The following LRRC37A2 variants were observed in gnomAD, a reference collection of about 807,000 sequenced individuals.
LRRC37A2 encodes leucine rich repeat containing 37 member A2, also known as leucine-rich repeat-containing protein 37A2.
In LRRC37A2, 9 loss-of-function variants were observed where a neutral mutation model predicts 68.8. The observed-to-expected ratio is 0.13, with a 90% confidence interval of 0.08 to 0.23. The LOEUF (loss-of-function observed/expected upper bound fraction) is 0.23, where lower values mean the gene tolerates loss of function less well. Among genes scored for constraint, LRRC37A2 ranks in the 10% least tolerant of loss-of-function variants. The probability of loss-of-function intolerance (pLI) is 1.00; values close to 1 mark genes in which losing one functional copy is unlikely to be tolerated. For missense variants in LRRC37A2, 168 were observed against 950.4 expected (o/e 0.18, Z 10.82); for synonymous variants, 63 against 367.6 (o/e 0.17, Z 9.48).
At chr17:46,934,377 C>T in the LRRC37A2 span, among the ~76,000 whole-genome samples, 1 of 152,124 alleles carries the variant, frequency 6.6e-6, no homozygotes, top group African/African-American at 2.4e-5. Flanking sequence ...AAGAAAAAAG[C>T]TGGGCATGGT....
At chr17:46,609,819 C>T in the LRRC37A2 span, among the ~76,000 whole-genome samples, 1 of 137,012 alleles carries the variant, frequency 7.3e-6, no homozygotes, top group East Asian at 2.0e-4. Flanking sequence ...TCGGGTGTCT[C>T]ACTGTTTCTT....
the LRRC37A2 span, among the ~76,000 whole-genome samples, chr17:46,854,459 G>A: frequency 6.6e-6 from 1 of 152,254 alleles, no homozygotes; most frequent in South Asian, 2.1e-4. Context: ...CTTCAGAGTT[G>A]GAAGTGACCC....
At chr17:46,962,434 C>G in the LRRC37A2 span, among the ~76,000 whole-genome samples, 1 of 152,092 alleles carries the variant, frequency 6.6e-6, no homozygotes, top group Non-Finnish European at 1.5e-5. Flanking sequence ...CCTCACACAT[C>G]AAATCTGGAC....
At chr17:47,017,725 A>T in the LRRC37A2 span, 3 of 1,610,958 alleles carry the variant, frequency 1.9e-6, no homozygotes, top group Non-Finnish European at 2.5e-6. Context: ...AGTCAGAAAC[A>T]GAATTTGCAG....
the LRRC37A2 span, among the ~76,000 whole-genome samples, chr17:46,766,440 T>C: frequency 1.3e-5 from 2 of 151,124 alleles, no homozygotes; most frequent in South Asian, 2.1e-4. Flanking sequence ...GGGCTCCCAT[T>C]GTCACCACCA....
the LRRC37A2 span, chr17:46,886,130 T>C: frequency 4.6e-5 from 7 of 152,306 alleles, no homozygotes; most frequent in Admixed American, 4.6e-4. Context: ...CACAGCTGTG[T>C]GTACTTGACC....
chr17:46,876,194 G>A, the LRRC37A2 span: 7 of 1,513,320 alleles, frequency 4.6e-6, no homozygotes, highest in South Asian at 2.6e-5. Context: ...GGCAGGCTCT[G>A]GCTGCTGGGC....
chr17:46,720,115 A>G, the LRRC37A2 span, among the ~76,000 whole-genome samples: 7 of 152,186 alleles, frequency 4.6e-5, no homozygotes, highest in Admixed American at 3.3e-4. Flanking sequence ...TGGAAATTGG[A>G]TCTTTTGACA....
At chr17:46,948,441 C>T in the LRRC37A2 span, 8 of 152,236 alleles carry the variant, frequency 5.3e-5, no homozygotes, top group African/African-American at 1.9e-4. Flanking sequence ...ATTTGCCAGT[C>T]AGACTTTATT....
the LRRC37A2 span, chr17:47,049,074 G>T: frequency 4.4e-6 from 3 of 675,298 alleles, no homozygotes; most frequent in Admixed American, 2.4e-5. Context: ...TTGGGTGTGT[G>T]TGTCTCCTCT....
chr17:46,474,232 T>G, the LRRC37A2 span, among the ~76,000 whole-genome samples: 1 of 102,912 alleles, frequency 9.7e-6, no homozygotes, highest in Non-Finnish European at 2.2e-5. Flanking sequence ...GTATTTTTAG[T>G]AGAGATAGGG....
the LRRC37A2 span, among the ~76,000 whole-genome samples, chr17:46,892,927 C>T: frequency 6.6e-6 from 1 of 151,762 alleles, no homozygotes; most frequent in African/African-American, 2.4e-5. Flanking sequence ...GACTACCTGA[C>T]CTTTCTTTTT....
At chr17:46,612,126 A>G in the LRRC37A2 span, among the ~76,000 whole-genome samples, 1 of 70,040 alleles carries the variant, frequency 1.4e-5, no homozygotes, top group Non-Finnish European at 2.6e-5. Flanking sequence ...GCACATGACA[A>G]GATCTTCAAC....
the LRRC37A2 span, among the ~76,000 whole-genome samples, chr17:46,907,986 C>T: frequency 2.0e-5 from 3 of 152,150 alleles, no homozygotes; most frequent in Admixed American, 6.5e-5. Context: ...AGTTCAGTCT[C>T]GGCACTGTGG....
At chr17:46,878,344 G>A in the LRRC37A2 span, among the ~76,000 whole-genome samples, 1 of 152,204 alleles carries the variant, frequency 6.6e-6, no homozygotes, top group Admixed American at 6.5e-5. Context: ...CAGGACAAAG[G>A]CCCGCTGACT....
the LRRC37A2 span, chr17:46,933,573 A>T: frequency 6.6e-6 from 1 of 151,756 alleles, no homozygotes; most frequent in African/African-American, 2.4e-5. Context: ...GGGGCAGTTG[A>T]AAACACGTAT....
the LRRC37A2 span, among the ~76,000 whole-genome samples, chr17:46,710,192 T>C: frequency 6.6e-6 from 1 of 152,218 alleles, no homozygotes; most frequent in Non-Finnish European, 1.5e-5. Flanking sequence ...ATGTAGTAGG[T>C]TATGTTTTCC....
chr17:46,974,087 C>A, the LRRC37A2 span, among the ~76,000 whole-genome samples: 1 of 152,242 alleles, frequency 6.6e-6, no homozygotes, highest in South Asian at 2.1e-4. Context: ...TTCCCCCGTT[C>A]TAGGGGACAT....
At chr17:46,714,670 T>A in the LRRC37A2 span, among the ~76,000 whole-genome samples, 1 of 152,236 alleles carries the variant, frequency 6.6e-6, no homozygotes, top group Non-Finnish European at 1.5e-5. Flanking sequence ...ATGAAGACTT[T>A]AAATGGCTGT....
Sources: gnomAD v4.1 joint callset for allele counts (sites outside exome capture counted in the v4.1 genomes callset) on GRCh38, gnomAD v4.1.1 for gene constraint, MANE v1.5 for transcripts, NCBI Gene and HGNC (gene_info 2026-07-23, HGNC 2026-07-21) for gene names.